PRKCE: variants seen among roughly 807,000 people sequenced by gnomAD.
PRKCE encodes protein kinase C epsilon type.
PRKCE carries 16 observed loss-of-function variants against 85.4 expected under a neutral mutation model. The observed-to-expected ratio is 0.19, with a 90% confidence interval of 0.13 to 0.28. The LOEUF (loss-of-function observed/expected upper bound fraction) is 0.28. Ranked by LOEUF, PRKCE falls within the 10% of genes least tolerant of loss-of-function variation. The pLI, the probability that PRKCE is intolerant of heterozygous loss-of-function variation, is 1.00. For missense variants in PRKCE, 573 were observed against 975.2 expected (o/e 0.59, Z 5.49); for synonymous variants, 388 against 371.5 (o/e 1.04, Z -0.51).
At chr2:45,744,201 G>A (rs1294313907) in intron 1 of PRKCE, among the ~76,000 whole-genome samples, 6 of 152,092 alleles carry the variant, frequency 3.9e-5, no homozygotes, top group South Asian at 2.1e-4. Flanking sequence ...TACAATATGC[G>A]TAATATTCGT....
intron 1 of PRKCE, among the ~76,000 whole-genome samples, chr2:45,709,743 C>G (rs996280299): frequency 1.3e-5 from 2 of 152,150 alleles, no homozygotes; most frequent in Non-Finnish European, 2.9e-5. Flanking sequence ...GTCCCCATCT[C>G]TATTCACCTG....
chr2:45,661,515 TGTTTTTTGTTTTTTG>T (rs1675644226), intron 1 of PRKCE, among the ~76,000 whole-genome samples: 53 of 126,246 alleles, frequency 4.2e-4, no homozygotes, highest in African/African-American at 1.5e-3. Flanking sequence ...TGTTTTGTTT[TGTTTTTTGTTTTTTG>T]TTTTTTTTTT....
intron 11 of PRKCE, among the ~76,000 whole-genome samples, chr2:46,086,808 G>A (rs1449560281): frequency 6.6e-6 from 1 of 152,170 alleles, no homozygotes; most frequent in Non-Finnish European, 1.5e-5. Flanking sequence ...GGAAGGAGGA[G>A]TTGCTTGAGG....
chr2:46,074,970 A>T (rs1668426787), intron 10 of PRKCE, among the ~76,000 whole-genome samples: 1 of 152,220 alleles, frequency 6.6e-6, no homozygotes, highest in Non-Finnish European at 1.5e-5. Flanking sequence ...GCAAGGCATT[A>T]TGTGGGCTTT....
intron 10 of PRKCE, among the ~76,000 whole-genome samples, chr2:46,046,381 C>T (rs1318081502): frequency 6.6e-6 from 1 of 152,194 alleles, no homozygotes; most frequent in African/African-American, 2.4e-5. Flanking sequence ...CACCTAGCTC[C>T]ACATGACAGT....
chr2:46,039,572 G>A (rs1708099569), intron 10 of PRKCE, among the ~76,000 whole-genome samples: 1 of 151,814 alleles, frequency 6.6e-6, no homozygotes, highest in Admixed American at 6.6e-5. Context: ...GAGAGGGAAG[G>A]GAAGAGGGAG....
intron 1 of PRKCE, among the ~76,000 whole-genome samples, chr2:45,781,314 G>T (rs1252090143): frequency 6.6e-6 from 1 of 152,162 alleles, no homozygotes; most frequent in East Asian, 1.9e-4. Context: ...TCCGGCATGG[G>T]TGACAGAGCA....
At chr2:45,938,872 G>T (rs1270397577) in intron 2 of PRKCE, among the ~76,000 whole-genome samples, 1 of 152,190 alleles carries the variant, frequency 6.6e-6, no homozygotes, top group Non-Finnish European at 1.5e-5. Flanking sequence ...CAGAGGCTGG[G>T]TGTTCTCACC....
At chr2:45,781,840 C>A (rs1251125665) in intron 1 of PRKCE, among the ~76,000 whole-genome samples, 1 of 152,104 alleles carries the variant, frequency 6.6e-6, no homozygotes, top group Non-Finnish European at 1.5e-5. Context: ...TTATTAGAAT[C>A]ATCAATTTCA....
In PRKCE at chr2:45,970,868, C is replaced by G. The variant is rs573850123; in HGVS notation, c.413-5561C>G. ...GTATATATCATACATATTATATATA[C>G]TATACTATATTATGGATCAATATAT... On this transcript the variant is annotated intron_variant, in intron 2 of 14. Coordinates refer to ENST00000306156, the MANE Select transcript of PRKCE (RefSeq NM_005400.3). Among the ~76,000 whole-genome samples the G allele has an allele frequency of 5.4e-5, 8 of 149,454 alleles. No homozygotes were observed. The East Asian group carries it at 1.6e-3, about 29-fold the overall frequency.
chr2:45,667,422 A>G (rs1675968450), intron 1 of PRKCE, among the ~76,000 whole-genome samples: 2 of 152,196 alleles, frequency 1.3e-5, no homozygotes, highest in Admixed American at 6.5e-5. Context: ...TGCTGGGATT[A>G]TAGGCGTGAG....
At chr2:45,691,283 C>G (rs1677706254) in intron 1 of PRKCE, among the ~76,000 whole-genome samples, 1 of 152,142 alleles carries the variant, frequency 6.6e-6, no homozygotes, top group South Asian at 2.1e-4. Flanking sequence ...CTCAGAGGAA[C>G]AGGCTGGGTG....
In PRKCE at chr2:45,979,223, A is replaced by G. The variant is rs538497191; in HGVS notation, c.607+213A>G. Among the ~76,000 whole-genome samples the G allele has an allele frequency of 4.0e-4, 61 of 152,242 alleles. 1 individual carries two copies. Among genetic ancestry groups the G allele is most frequent in the African/African-American group, 1.5e-3 (61 of 41,548 alleles). On this transcript the variant is annotated intron_variant, in intron 4 of 14. Coordinates refer to ENST00000306156, the MANE Select transcript of PRKCE (RefSeq NM_005400.3). ...CCACCTGTCTCCAGGCGTCCTTGTG[A>G]TCTCAGCAGGTCCCCAATCCACCCG...
chr2:46,187,929 T>A lies in PRKCE; in HGVS notation c.*3048T>A, dbSNP rs1010899393. On this transcript the variant is annotated 3_prime_UTR_variant, in exon 15 of 15. Coordinates refer to ENST00000306156, the MANE Select transcript of PRKCE (RefSeq NM_005400.3). The stretch of plus-strand genomic sequence containing the variant: ...ACGTTATTGTGCCAAATGTACTGTA[T>A]TCAAAAGGATGTGAATGTGTATTGT... The A allele has an allele frequency of 2.6e-5, 4 of 152,636 alleles. No homozygotes were observed. Among genetic ancestry groups the A allele is most frequent in the African/African-American group, 9.7e-5 (4 of 41,450 alleles). The allele number at this position is 152,636 out of a possible 1,614,324, so 9.5% of individuals were successfully genotyped here.
intron 1 of PRKCE, among the ~76,000 whole-genome samples, chr2:45,691,110 G>A (rs759447320): frequency 6.6e-6 from 1 of 152,166 alleles, no homozygotes; most frequent in Admixed American, 6.5e-5. Context: ...CAGGACTAAG[G>A]TTCTAAAAGC....
Position 46,004,773 on chromosome 2 carries a change from G to GTT in PRKCE, c.1063+136_1063+137dup, listed in dbSNP as rs1363704224. 1 of 702,862 alleles carries GTT rather than the reference G, an allele frequency of 1.4e-6. No individual in the cohort carries two copies. The highest frequency in any genetic ancestry group is 2.4e-6 in the Non-Finnish European group (1 of 418,046). The allele number at this position is 702,862 out of a possible 1,614,324, so 43.5% of individuals were successfully genotyped here. A position where few individuals can be genotyped will look rare whatever the true frequency, so the allele number is the denominator to read the frequency against. ...AGCCCTGGTGGGTTTTCACACACCC[G>GTT]TTGCCTGTTGATTTAACAGTTCTTT... On this transcript the variant is annotated intron_variant, in intron 8 of 14. Coordinates refer to ENST00000306156, the MANE Select transcript of PRKCE (RefSeq NM_005400.3). The surrounding 1 kb of genome is among the most constrained non-coding windows in gnomAD (Gnocchi z 4.1).
At chr2:46,030,902 T>C (rs1707470732) in intron 10 of PRKCE, among the ~76,000 whole-genome samples, 1 of 152,216 alleles carries the variant, frequency 6.6e-6, no homozygotes, top group African/African-American at 2.4e-5. Context: ...TCGTTACGTG[T>C]TTCCTTTTAT....
intron 1 of PRKCE, among the ~76,000 whole-genome samples, chr2:45,769,970 C>A (rs906486838): frequency 6.6e-6 from 1 of 152,246 alleles, no homozygotes; most frequent in Non-Finnish European, 1.5e-5. Flanking sequence ...CACGTGCACC[C>A]CGTACTGTCA....
chr2:45,742,847 C>G (rs1243780624), intron 1 of PRKCE, among the ~76,000 whole-genome samples: 1 of 152,170 alleles, frequency 6.6e-6, no homozygotes, highest in Non-Finnish European at 1.5e-5. Context: ...TTCGTGTTCA[C>G]TGCAGCATTA....
Sources: gnomAD v4.1 joint callset for allele counts (sites outside exome capture counted in the v4.1 genomes callset) on GRCh38, gnomAD v4.1.1 for gene constraint, Gnocchi (gnomAD v3.1) non-coding constraint, MANE v1.5 for transcripts, NCBI Gene and HGNC (gene_info 2026-07-23, HGNC 2026-07-21) for gene names.